Variants in RNLS observed in about 807,000 individuals in gnomAD.
The protein encoded by RNLS is renalase.
In RNLS, 39 loss-of-function variants were observed where a neutral mutation model predicts 39.8. The ratio of observed to expected loss-of-function variants is 0.98; its 90% confidence interval spans 0.76 to 1.28. The LOEUF (loss-of-function observed/expected upper bound fraction) is 1.28. Ranked by LOEUF, RNLS falls within the 50% of genes most tolerant of loss-of-function variation. RNLS has a pLI of 0.00. For missense variants in RNLS, 410 were observed against 413.3 expected, an observed-to-expected ratio of 0.99 and a Z score of 0.07; for synonymous variants, 147 against 150.7, an observed-to-expected ratio of 0.98 and a Z score of 0.18.
chr10:88,378,751 A>G (rs1851224669), intron 4 of RNLS, among the ~76,000 whole-genome samples: 1 of 152,238 alleles, frequency 6.6e-6, no homozygotes, highest in Admixed American at 6.5e-5. Context: ...TTGTTGAACC[A>G]AAGTATAAAA....
At chr10:88,494,351 A>C (rs759539044) in intron 4 of RNLS, among the ~76,000 whole-genome samples, 6 of 152,174 alleles carry the variant, frequency 3.9e-5, no homozygotes, top group Non-Finnish European at 8.8e-5. Flanking sequence ...CATTTTCTTC[A>C]GTCATGCCAT....
chr10:88,382,287 A>G (rs1345979481), intron 4 of RNLS, among the ~76,000 whole-genome samples: 1 of 152,114 alleles, frequency 6.6e-6, no homozygotes, highest in African/African-American at 2.4e-5. Context: ...ATTAGATGGC[A>G]AAGCATTGTG....
the RNLS span, among the ~76,000 whole-genome samples, chr10:88,256,436 T>C: frequency 6.6e-6 from 1 of 152,212 alleles, no homozygotes; most frequent in Non-Finnish European, 1.5e-5. Flanking sequence ...AGGACACAGC[T>C]GCAGATGTGA....
At chr10:88,301,533 T>C (rs1333837353) in intron 6 of RNLS, among the ~76,000 whole-genome samples, 1 of 152,242 alleles carries the variant, frequency 6.6e-6, no homozygotes, top group Non-Finnish European at 1.5e-5. Context: ...CATAATTTCT[T>C]GTTGGGAAAT....
At chr10:88,370,659 T>C (rs747088625) in intron 4 of RNLS, among the ~76,000 whole-genome samples, 1 of 152,200 alleles carries the variant, frequency 6.6e-6, no homozygotes, top group Non-Finnish European at 1.5e-5. Flanking sequence ...TCATCTAGCT[T>C]TGTGCACTTT....
chr10:88,477,339 G>A (rs1251468171), intron 4 of RNLS, among the ~76,000 whole-genome samples: 1 of 152,176 alleles, frequency 6.6e-6, no homozygotes. Context: ...GGATGATGGT[G>A]AAGTTAGGGA....
intron 4 of RNLS, among the ~76,000 whole-genome samples, chr10:88,513,724 T>C (rs1846269311): frequency 6.6e-6 from 1 of 152,116 alleles, no homozygotes; most frequent in Non-Finnish European, 1.5e-5. Context: ...TTCCTAGAAA[T>C]TAAATTGCTG....
chr10:88,210,453 G>A, the RNLS span, among the ~76,000 whole-genome samples: 30 of 152,248 alleles, frequency 2.0e-4, no homozygotes, highest in East Asian at 2.7e-3. Context: ...AATGCAGAGC[G>A]AGGCTTGGGA....
At chr10:88,230,972 G>C in the RNLS span, among the ~76,000 whole-genome samples, 3 of 152,206 alleles carry the variant, frequency 2.0e-5, no homozygotes, top group Non-Finnish European at 2.9e-5. Context: ...TGATTCTTAT[G>C]TGGAAACATC....
At chr10:88,281,542 C>T (rs906198761), downstream of RNLS, among the ~76,000 whole-genome samples, 5 of 152,120 alleles carry the variant, frequency 3.3e-5, no homozygotes, top group Admixed American at 3.3e-4. Flanking sequence ...ACTACGCAGC[C>T]TGGTCCCAGG....
At chr10:88,398,134 T>C (rs1852678114) in intron 4 of RNLS, among the ~76,000 whole-genome samples, 1 of 152,058 alleles carries the variant, frequency 6.6e-6, no homozygotes, top group Admixed American at 6.6e-5. Flanking sequence ...GACAGTTTGT[T>C]ATACTCATAG....
chr10:88,568,524 GT>G (rs981268377), intron 4 of RNLS, among the ~76,000 whole-genome samples: 13 of 152,082 alleles, frequency 8.5e-5, no homozygotes, highest in African/African-American at 2.7e-4. Context: ...TGTCGTTGTT[GT>G]TTTGTTTTGT....
At chr10:88,523,645 C>T (rs1309606399) in intron 4 of RNLS, among the ~76,000 whole-genome samples, 10 of 152,126 alleles carry the variant, frequency 6.6e-5, no homozygotes, top group Non-Finnish European at 1.5e-4. Flanking sequence ...TCCAAATTCT[C>T]ACTGAAATCC....
chr10:88,221,785 C>T, the RNLS span, among the ~76,000 whole-genome samples: 1 of 152,164 alleles, frequency 6.6e-6, no homozygotes, highest in African/African-American at 2.4e-5. Flanking sequence ...ACTCCTGAGC[C>T]CATGTCAGAC....
intron 5 of RNLS, among the ~76,000 whole-genome samples, chr10:88,339,994 G>A (rs1005720775): frequency 1.3e-5 from 2 of 152,118 alleles, no homozygotes; most frequent in South Asian, 2.1e-4. Context: ...ATCACATGGC[G>A]TTTTAGATAA....
chr10:88,444,257 G>T (rs1246286570), intron 4 of RNLS, among the ~76,000 whole-genome samples: 2 of 152,146 alleles, frequency 1.3e-5, no homozygotes, highest in Non-Finnish European at 2.9e-5. Flanking sequence ...TGCAGCTGAG[G>T]GTCCTGACTG....
chr10:88,228,092 A>T, the RNLS span, among the ~76,000 whole-genome samples: 1 of 152,170 alleles, frequency 6.6e-6, no homozygotes, highest in South Asian at 2.1e-4. Context: ...TTGCTTTGTC[A>T]TCTTCAGGTT....
chr10:88,187,429 A>G, the RNLS span, among the ~76,000 whole-genome samples: 1 of 151,970 alleles, frequency 6.6e-6, no homozygotes, highest in Admixed American at 6.6e-5. Context: ...ATATGGTGGG[A>G]CAGACATTTG....
At chr10:88,558,503 T>G (rs919497081) in intron 4 of RNLS, among the ~76,000 whole-genome samples, 1 of 152,164 alleles carries the variant, frequency 6.6e-6, no homozygotes, top group African/African-American at 2.4e-5. Context: ...AGAGGGACAC[T>G]TAAGTAGGTA....
Sources: allele counts gnomAD v4.1 joint callset (sites outside exome capture counted in the v4.1 genomes callset), GRCh38; gene constraint gnomAD v4.1.1; transcripts MANE v1.5; gene names NCBI Gene and HGNC (gene_info 2026-07-23, HGNC 2026-07-21).